AQR: variants seen among roughly 807,000 people sequenced by gnomAD.
AQR encodes RNA helicase aquarius.
A neutral mutation model predicts 180.5 loss-of-function variants in AQR; 61 were observed. The observed-to-expected ratio is 0.34, with a 90% CI of 0.28 to 0.42. The LOEUF (loss-of-function observed/expected upper bound fraction) is 0.42. AQR is among the 10% of genes least tolerant of loss of function. AQR has a pLI of 1.00. For synonymous variants in AQR, 551 were observed against 588.8 expected (o/e 0.94, Z 0.93); for missense variants, 1,281 against 1,798.3 (o/e 0.71, Z 5.20).
intron 27 of AQR, among the ~76,000 whole-genome samples, chr15:34,876,320 T>G (rs1426750408): frequency 6.6e-6 from 1 of 152,208 alleles, no homozygotes; most frequent in African/African-American, 2.4e-5. Flanking sequence ...ATTTAGTTCT[T>G]TATTTCTACA....
At chr15:34,920,536 T>C in intron 13 of AQR, 102 bp from the exon 14 acceptor site, 1 of 802,732 alleles carries the variant, frequency 1.2e-6, no homozygotes, top group Non-Finnish European at 2.0e-6. Context: ...TATAATACTA[T>C]GACATGGGCA....
chr15:34,885,920 T>C (rs1893053203), intron 25 of AQR, among the ~76,000 whole-genome samples: 1 of 152,198 alleles, frequency 6.6e-6, no homozygotes, highest in Non-Finnish European at 1.5e-5. Flanking sequence ...GCCAATTATG[T>C]CCTAGTCCAT....
chr15:34,942,426 C>T (rs1894038090), intron 6 of AQR, among the ~76,000 whole-genome samples: 1 of 152,218 alleles, frequency 6.6e-6, no homozygotes, highest in South Asian at 2.1e-4. Flanking sequence ...GCTTCATTCT[C>T]AGCTCTCATA....
At chr15:34,903,418 GA>G (rs1893363509) in intron 19 of AQR, among the ~76,000 whole-genome samples, 1 of 152,078 alleles carries the variant, frequency 6.6e-6, no homozygotes. Context: ...GTAAGGGGAG[GA>G]ATAGACAAGA....
chr15:34,887,958 ACT>A lies in AQR; in HGVS notation c.2682-1299_2682-1298del, dbSNP rs1186355079. 6.6e-5 allele frequency among the ~76,000 whole-genome samples: 10 copies of A among 152,292 alleles called. No homozygotes were observed. In the East Asian group the frequency reaches 1.5e-3, roughly 24 times the overall value. ...AGAAAAAAATCAGGAATGCTTACAGACTCTGTTAATAAAATGCCAAAATTTTT... is the reference window on the plus strand; with the variant it reads ...AGAAAAAAATCAGGAATGCTTACAGACTGTTAATAAAATGCCAAAATTTTT... On this transcript the variant is annotated intron_variant, in intron 24 of 34. Transcript: ENST00000156471.
In AQR at chr15:34,856,558, A is replaced by T. The variant is rs573671569; in HGVS notation, c.*234T>A. On this transcript the variant is annotated 3_prime_UTR_variant, in exon 35 of 35. Transcript: ENST00000156471. ...GGTATGATTACAGACACACTCAGTGATCAAAACATGAAAGGAATGGTTATT... is the reference window on the plus strand; with the variant it reads ...GGTATGATTACAGACACACTCAGTGTTCAAAACATGAAAGGAATGGTTATT... The T allele has an allele frequency of 9.0e-6, 4 of 442,134 alleles. No homozygotes were observed. The South Asian group carries it at 2.2e-4, about 24-fold the overall frequency. The allele number at this position is 442,134 out of a possible 1,614,324, so 27.4% of individuals were successfully genotyped here.
intron 18 of AQR, among the ~76,000 whole-genome samples, chr15:34,905,403 A>G (rs951599971): frequency 1.3e-5 from 2 of 152,108 alleles, no homozygotes; most frequent in South Asian, 2.1e-4. Flanking sequence ...TTTCAAAGGG[A>G]TAATAAGTGA....
At chr15:34,941,962 G>T in intron 7 of AQR, 50 bp downstream of exon 7, 1 of 1,414,316 alleles carries the variant, frequency 7.1e-7, no homozygotes, top group Non-Finnish European at 9.7e-7. Flanking sequence ...AAAACCACAC[G>T]TTCTACTTAT....
intron 19 of AQR, 152 bp downstream of exon 19, chr15:34,904,184 T>TA (rs1194392257): frequency 9.0e-6 from 4 of 446,302 alleles, no homozygotes; most frequent in African/African-American, 8.2e-5. Context: ...ATCATTTTGT[T>TA]AAAAGTTTAA....
intron 27 of AQR, among the ~76,000 whole-genome samples, chr15:34,879,262 C>T (rs537113580): frequency 6.6e-6 from 1 of 152,332 alleles, no homozygotes; most frequent in South Asian, 2.1e-4. Flanking sequence ...TGCTGCAAAG[C>T]TGAAACTTCC....
intron 4 of AQR, among the ~76,000 whole-genome samples, chr15:34,949,972 TAA>T (rs374857238): frequency 2.4e-3 from 315 of 131,388 alleles, no homozygotes; most frequent in Non-Finnish European, 2.5e-3. Context: ...TCTCCAAAAC[TAA>T]AAAAAAAAAA....
intron 19 of AQR, among the ~76,000 whole-genome samples, chr15:34,901,305 A>G (rs1480948286): frequency 2.6e-5 from 4 of 152,188 alleles, no homozygotes; most frequent in Admixed American, 1.3e-4. Context: ...CACAACCAGA[A>G]GCACATTAAT....
chr15:34,967,907 G>C (rs1260396998), intron 1 of AQR, among the ~76,000 whole-genome samples: 1 of 151,968 alleles, frequency 6.6e-6, no homozygotes, highest in African/African-American at 2.4e-5. Context: ...TCCGCCTCCC[G>C]GGTTCAAGCA....
At chr15:34,865,933 G>T (rs1892732921) in intron 32 of AQR, among the ~76,000 whole-genome samples, 1 of 152,096 alleles carries the variant, frequency 6.6e-6, no homozygotes, top group African/African-American at 2.4e-5. Flanking sequence ...TAAGTACAGG[G>T]TTTCCTGCTA....
intron 24 of AQR, among the ~76,000 whole-genome samples, chr15:34,888,061 G>A (rs1893089225): frequency 6.6e-6 from 1 of 152,166 alleles, no homozygotes; most frequent in Admixed American, 6.5e-5. Context: ...ACTTTGGGAG[G>A]CCGAGGCAGG....
chr15:34,938,730 A>AGGAT lies in AQR; in HGVS notation c.718+6_718+7insATCC. 7.2e-7 allele frequency: 1 copy of AGGAT among 1,388,154 alleles called. No individual in the cohort carries two copies. Among genetic ancestry groups the AGGAT allele is most frequent in the African/African-American group, 2.1e-5 (1 of 48,282 alleles). The allele number at this position is 1,388,154 out of a possible 1,614,324, so 86.0% of individuals were successfully genotyped here. The stretch of plus-strand genomic sequence containing the variant: ...TTCACAAATGCACTGAGTAAAAAAG[A>AGGAT]AGATACCAGAAAGTGGGACTGATTT... On this transcript the variant is annotated splice_region_variant and intron_variant, in intron 9 of 34. Transcript: ENST00000156471.
At chr15:34,964,430 C>T (rs772567464) in intron 1 of AQR, 140 bp from the exon 2 acceptor site, 1 of 732,856 alleles carries the variant, frequency 1.4e-6, no homozygotes, top group Non-Finnish European at 2.5e-6. Flanking sequence ...AGGCACTACA[C>T]AGGCATGCAG....
chr15:34,954,165 C>T (rs1020001276), intron 3 of AQR, among the ~76,000 whole-genome samples: 1 of 152,192 alleles, frequency 6.6e-6, no homozygotes, highest in South Asian at 2.1e-4. Flanking sequence ...GATCCACCCA[C>T]CTCAGCCTCC....
At chr15:34,907,741 G>C (rs1227787709) in intron 17 of AQR, among the ~76,000 whole-genome samples, 1 of 152,178 alleles carries the variant, frequency 6.6e-6, no homozygotes, top group African/African-American at 2.4e-5. Context: ...CCTACTCTCT[G>C]AGTTGTACTA....
Sources: gnomAD v4.1 joint callset for allele counts (sites outside exome capture counted in the v4.1 genomes callset) on GRCh38, gnomAD v4.1.1 for gene constraint, MANE v1.5 for transcripts, NCBI Gene and HGNC (gene_info 2026-07-23, HGNC 2026-07-21) for gene names.